DIP2A: variants seen among roughly 807,000 people sequenced by gnomAD.
DIP2A encodes DIP2 acetate--CoA ligase A, also known as disco-interacting protein 2 homolog A.
In DIP2A, 85 loss-of-function variants were observed where a neutral mutation model predicts 177.4. The ratio of observed to expected loss-of-function variants is 0.48; its 90% CI spans 0.40 to 0.57. The LOEUF is 0.57. DIP2A is among the 20% of genes least tolerant of loss of function. The pLI, the probability that DIP2A is intolerant of heterozygous loss-of-function variation, is 0.00. For synonymous variants in DIP2A, 886 were observed against 881.8 expected (o/e 1.00, Z -0.08); for missense variants, 1,791 against 2,100.2 (o/e 0.85, Z 2.88).
chr21:46,533,635 G>A lies in DIP2A; in HGVS notation c.1417G>A (p.Ala473Thr), dbSNP rs952270251. ...GLPKAQTGEV[A>T]AFKGWPPLSW... is the part of the protein sequence containing the mutation. ...CCCCAAGGCACAGACAGGAGAGGTGGCAGCTTTCAAAGGTGAGGCCTCCCA... is the reference window on the plus strand; with the variant it reads ...CCCCAAGGCACAGACAGGAGAGGTGACAGCTTTCAAAGGTGAGGCCTCCCA... Residue 473 changes from alanine (A) to threonine (T), a missense_variant, in exon 11 of 38, where the codon GCA becomes ACA. Transcript: ENST00000417564. 3.7e-6 allele frequency: 6 copies of A among 1,613,882 alleles called. No individual in the cohort carries two copies. The Admixed American group carries it at 1.0e-4, about 27-fold the overall frequency.
chr21:46,487,319 A>G (rs1375633441), intron 2 of DIP2A, among the ~76,000 whole-genome samples: 1 of 152,256 alleles, frequency 6.6e-6, no homozygotes, highest in Non-Finnish European at 1.5e-5. Flanking sequence ...ACAAACTCAG[A>G]GTAAAATTGG....
the DIP2A span, among the ~76,000 whole-genome samples, chr21:46,582,290 G>A: frequency 9.2e-5 from 14 of 152,044 alleles, no homozygotes; most frequent in Admixed American, 2.0e-4. Flanking sequence ...AGTCTTCCCC[G>A]CACCAGCAGA....
chr21:46,570,868 A>C (rs1329904363), downstream of DIP2A, among the ~76,000 whole-genome samples: 5 of 152,240 alleles, frequency 3.3e-5, no homozygotes, highest in Non-Finnish European at 5.9e-5. Context: ...GCATCCAAGT[A>C]GCTCAACAAA....
At position 46,554,254 on chromosome 21, in the gene DIP2A, T is replaced by TGA; in HGVS notation, c.3118_3119dup (p.Ser1040ArgfsTer51). 2.5e-6 allele frequency: 4 copies of TGA among 1,613,930 alleles called. No homozygotes were observed. Among genetic ancestry groups the TGA allele is most frequent in the Non-Finnish European group, 3.4e-6 (4 of 1,179,846 alleles). On this transcript the variant is annotated frameshift_variant, in exon 26 of 38. Coordinates refer to ENST00000417564, the MANE Select transcript of DIP2A (RefSeq NM_015151.4). LOFTEE classifies it high-confidence loss of function. ...GCGGCTCTGATGGAGAAGGGAAGAC[T>TGA]GAGTGTTGGGGACCATGTGGCTCTG...
Position 46,498,657 on chromosome 21 carries a change from A to G in DIP2A, c.479A>G (p.His160Arg). The change falls in exon 5 of 38, where the codon CAT becomes CGT. Residue 160 changes from histidine (H) to arginine (R), a missense_variant. Transcript: ENST00000417564. This position sits in a 1 kb window ranked among gnomAD's most constrained non-coding sequence, Gnocchi z 4.3. ...GRLTSTPLQSHSSVEPWLDRV... is the reference protein window; with the variant it reads ...GRLTSTPLQSRSSVEPWLDRV... Reference sequence around the variant, plus strand: ...CTCACCTCCACTCCGCTCCAGAGCCATTCCAGCGTCGAGCCCTGGCTCGAC... The same window carrying G: ...CTCACCTCCACTCCGCTCCAGAGCCGTTCCAGCGTCGAGCCCTGGCTCGAC... 6.2e-7 allele frequency: 1 copy of G among 1,613,758 alleles called. No individual in the cohort carries two copies. Among genetic ancestry groups the G allele is most frequent in the Non-Finnish European group, 8.5e-7 (1 of 1,179,884 alleles).
At chr21:46,462,753 A>G (rs1356592851) in intron 1 of DIP2A, 1 of 152,190 alleles carries the variant, frequency 6.6e-6, no homozygotes, top group Non-Finnish European at 1.5e-5. Context: ...TGCTGTCTTC[A>G]ACAGAAACTG....
chr21:46,525,993 C>T (rs71326330), intron 8 of DIP2A, among the ~76,000 whole-genome samples: 2 of 151,550 alleles, frequency 1.3e-5, no homozygotes, highest in East Asian at 1.9e-4. Flanking sequence ...ACTGCAACCT[C>T]TGCCTCCCGG....
chr21:46,548,174 A>ATGTGTG (rs1360982466), intron 21 of DIP2A, among the ~76,000 whole-genome samples: 7 of 144,486 alleles, frequency 4.8e-5, no homozygotes, highest in African/African-American at 1.9e-4. Flanking sequence ...GTGCTCATGC[A>ATGTGTG]TGTGTGCGTG....
Position 46,563,907 on chromosome 21 carries a change from C to T in DIP2A, c.4139C>T (p.Pro1380Leu). 1 of 1,613,652 alleles carries T rather than the reference C, an allele frequency of 6.2e-7. No homozygotes were observed. Among genetic ancestry groups the T allele is most frequent in the South Asian group, 1.1e-5 (1 of 91,018 alleles). ...VIIAHTETKG[P>L]LGDSHLGEIW... ...ATCGCACACACCGAGACCAAAGGAC[C>T]CTTGGGAGACTCACACCTGGGAGAG... Residue 1380 changes from proline to leucine, a missense_variant, in exon 35 of 38, where the codon CCC becomes CTC. Physicochemically the swap from Pro to Leu is moderately conservative, Grantham distance 98. Transcript: ENST00000417564. The surrounding 1 kb of genome is among the most constrained non-coding windows in gnomAD (Gnocchi z 4.3).
intron 1 of DIP2A, among the ~76,000 whole-genome samples, chr21:46,461,389 G>C (rs756597595): frequency 1.3e-5 from 2 of 150,902 alleles, no homozygotes; most frequent in Non-Finnish European, 2.9e-5. Flanking sequence ...AGGATCTACT[G>C]TACTGCATTT....
chr21:46,535,319 C>CAAAT (rs10652998), intron 13 of DIP2A, among the ~76,000 whole-genome samples: 44,892 of 151,916 alleles, frequency 0.3, 6,946 homozygotes, highest in Middle Eastern at 0.37. Context: ...TACACTGTGA[C>CAAAT]AATTTTAAAA....
Position 46,498,622 on chromosome 21 carries a change from A to T in DIP2A, c.444A>T (p.Arg148=). ...CAGAAGATGAGGGCTCTTTACGGCG[A>T]CCCGGGCGACTCACCTCCACTCCGC... ...SASEDEGSLR[R]PGRLTSTPLQ... The change falls in exon 5 of 38, where the codon CGA becomes CGT. Residue 148 remains arginine, a synonymous_variant. Transcript: ENST00000417564. This position sits in a 1 kb window ranked among gnomAD's most constrained non-coding sequence, Gnocchi z 4.3. 1 of 1,612,504 alleles carries T rather than the reference A, an allele frequency of 6.2e-7. No individual in the cohort carries two copies. The highest frequency in any genetic ancestry group is 8.5e-7 in the Non-Finnish European group (1 of 1,179,320).
In DIP2A at chr21:46,556,880, C is replaced by A. The variant is rs1266358797; in HGVS notation, c.3499-59C>A. On this transcript the variant is annotated intron_variant, in intron 29 of 37. Coordinates refer to ENST00000417564, the MANE Select transcript of DIP2A (RefSeq NM_015151.4). The surrounding 1 kb of genome is among the most constrained non-coding windows in gnomAD (Gnocchi z 4.5). ...GTGAACAGCGGACACTGCCATCCAC[C>A]CTCTCCCCTCCTGAATTTCATTTCA... The A allele has an allele frequency of 1.4e-6, 2 of 1,440,748 alleles. No homozygotes were observed. The highest frequency in any genetic ancestry group is 2.5e-5 in the East Asian group (1 of 39,944). 89.2% of individuals were successfully genotyped at this position (1,440,748 alleles called of 1,614,324 possible).
chr21:46,477,383 G>A (rs1176063111), intron 1 of DIP2A, among the ~76,000 whole-genome samples: 1 of 151,032 alleles, frequency 6.6e-6, no homozygotes, highest in Non-Finnish European at 1.5e-5. Flanking sequence ...AAAAATTAAC[G>A]GGGCGTGGTG....
chr21:46,551,181 A>T (rs2060259074), intron 23 of DIP2A, among the ~76,000 whole-genome samples: 1 of 152,192 alleles, frequency 6.6e-6, no homozygotes. Flanking sequence ...TATACATTTA[A>T]AAGCTAATTT....
chr21:46,479,632 C>T (rs1347380036), intron 1 of DIP2A, among the ~76,000 whole-genome samples: 2 of 152,180 alleles, frequency 1.3e-5, no homozygotes, highest in African/African-American at 2.4e-5. Context: ...CTCAAGCAAT[C>T]TTCTCACCTC....
chr21:46,578,340 CA>C, the DIP2A span, among the ~76,000 whole-genome samples: 4 of 151,738 alleles, frequency 2.6e-5, no homozygotes, highest in African/African-American at 9.7e-5. Context: ...ACAACGACAA[CA>C]AAAAAAACCT....
intron 3 of DIP2A, among the ~76,000 whole-genome samples, chr21:46,492,931 C>CA (rs112638721): frequency 0.28 from 37,274 of 134,888 alleles, 4,992 homozygotes; most frequent in East Asian, 0.46. Flanking sequence ...GACTCTGTCT[C>CA]AAAAAAAAAA....
At chr21:46,572,640 C>G (rs977116375), downstream of DIP2A, among the ~76,000 whole-genome samples, 5 of 152,180 alleles carry the variant, frequency 3.3e-5, no homozygotes, top group African/African-American at 1.2e-4. Context: ...CCTTGGGAGT[C>G]TGCAGAGAGT....
Sources: gnomAD v4.1 joint callset for allele counts (sites outside exome capture counted in the v4.1 genomes callset) on GRCh38, gnomAD v4.1.1 for gene constraint, Gnocchi (gnomAD v3.1) non-coding constraint, MANE v1.5 for transcripts, NCBI Gene and HGNC (gene_info 2026-07-23, HGNC 2026-07-21) for gene names.